FBXO11: variants seen among roughly 807,000 people sequenced by gnomAD.
The protein encoded by FBXO11 is F-box only protein 11.
In FBXO11, 13 loss-of-function variants were observed where a neutral mutation model predicts 117.0. The observed-to-expected ratio is 0.11, with a 90% confidence interval of 0.07 to 0.18. The LOEUF (loss-of-function observed/expected upper bound fraction) is 0.18. Among genes scored for constraint, FBXO11 ranks in the 10% least tolerant of loss-of-function variants. FBXO11 has a pLI of 1.00. For synonymous variants in FBXO11, 490 were observed against 380.5 expected, an observed-to-expected ratio of 1.29 and a Z score of -3.35; for missense variants, 767 against 1,164.4, an observed-to-expected ratio of 0.66 and a Z score of 4.97.
At chr2:47,836,902 T>G (rs1025852630) in intron 4 of FBXO11, 1 of 370,738 alleles carries the variant, frequency 2.7e-6, no homozygotes, top group Non-Finnish European at 5.2e-6. Flanking sequence ...TCTTGTCTTA[T>G]TTTTTGATTT....
rs892137124 is a variant in FBXO11 at position 47,876,675 on chromosome 2, T to C, written c.232+28814A>G. On this transcript the variant is annotated intron_variant, in intron 1 of 22. Coordinates refer to ENST00000403359, the MANE Select transcript of FBXO11 (RefSeq NM_001190274.2). ...CATTTTTCATTTTGAAAAGCTTTTA[T>C]GTTTTATGATCTGCAATTTCACTTT... Among the ~76,000 whole-genome samples, 3 of 152,296 alleles carry C rather than the reference T, an allele frequency of 2.0e-5. 1 individual carries two copies. Among genetic ancestry groups the C allele is most frequent in the South Asian group, 4.1e-4 (2 of 4,830 alleles).
At chr2:47,897,254 T>C (rs1677738831) in intron 1 of FBXO11, among the ~76,000 whole-genome samples, 1 of 152,182 alleles carries the variant, frequency 6.6e-6, no homozygotes, top group African/African-American at 2.4e-5. Context: ...AATGCTTGGA[T>C]ATAAAAAAGA....
intron 1 of FBXO11, among the ~76,000 whole-genome samples, chr2:47,849,087 C>T (rs1017676571): frequency 5.9e-5 from 9 of 152,034 alleles, no homozygotes; most frequent in African/African-American, 1.9e-4. Flanking sequence ...AGTCTCATGG[C>T]GTAAAGGAAC....
At chr2:47,858,116 A>AT (rs1033358068) in intron 1 of FBXO11, among the ~76,000 whole-genome samples, 1 of 151,836 alleles carries the variant, frequency 6.6e-6, no homozygotes, top group African/African-American at 2.4e-5. Context: ...TTTTATTTTT[A>AT]TTTTTTTGAG....
intron 16 of FBXO11, 177 bp from the exon 17 acceptor site, chr2:47,814,044 C>A: frequency 1.8e-6 from 1 of 541,908 alleles, no homozygotes; most frequent in East Asian, 3.1e-5. Flanking sequence ...CCTGTATTTC[C>A]CACAGAACAT....
At chr2:47,836,946 C>A in intron 4 of FBXO11, 1 of 390,626 alleles carries the variant, frequency 2.6e-6, no homozygotes, top group African/African-American at 2.2e-5. Flanking sequence ...GTATGTTGCC[C>A]AGGCTGGTCT....
At chr2:47,891,522 T>C (rs945714623) in intron 1 of FBXO11, among the ~76,000 whole-genome samples, 3 of 152,248 alleles carry the variant, frequency 2.0e-5, no homozygotes, top group African/African-American at 7.2e-5. Context: ...CATCTGTCAA[T>C]GGACATGTTG....
At chr2:47,816,007 G>A (rs918238920) in intron 16 of FBXO11, among the ~76,000 whole-genome samples, 19 of 152,188 alleles carry the variant, frequency 1.2e-4, no homozygotes, top group Non-Finnish European at 2.4e-4. Context: ...TAGGTAGGGG[G>A]AACCTTCAGC....
intron 1 of FBXO11, among the ~76,000 whole-genome samples, chr2:47,902,288 T>G (rs543272258): frequency 6.6e-6 from 1 of 152,302 alleles, no homozygotes; most frequent in South Asian, 2.1e-4. Context: ...ATTTAAGAAA[T>G]TAAAAAAGCT....
intron 1 of FBXO11, among the ~76,000 whole-genome samples, chr2:47,900,609 CACGTATATACACACGTATACACACACGT>C (rs1409396770): frequency 0.28 from 25,815 of 90,646 alleles, 6,697 homozygotes; most frequent in African/African-American, 0.43. Flanking sequence ...CACGTATACA[CACGTATATACACACGTATACACACACGT>C]ACGTATATAC....
chr2:47,857,169 T>C (rs1457754294), intron 1 of FBXO11, among the ~76,000 whole-genome samples: 1 of 152,222 alleles, frequency 6.6e-6, no homozygotes, highest in Non-Finnish European at 1.5e-5. Flanking sequence ...TACCTAACAG[T>C]GCATGTGGAT....
At chr2:47,814,159 A>G (rs762666330) in intron 16 of FBXO11, 1 of 291,694 alleles carries the variant, frequency 3.4e-6, no homozygotes, top group Non-Finnish European at 6.6e-6. Context: ...GGACTGAATT[A>G]CAGGCATGCC....
At chr2:47,810,031 ATC>A (rs1157311995) in intron 19 of FBXO11, 3 of 492,848 alleles carry the variant, frequency 6.1e-6, no homozygotes, top group Admixed American at 3.8e-5. Context: ...GAGGAATTGA[ATC>A]TATCTGTATT....
At chr2:47,878,500 G>A (rs1398779849) in intron 1 of FBXO11, among the ~76,000 whole-genome samples, 1 of 152,056 alleles carries the variant, frequency 6.6e-6, no homozygotes, top group East Asian at 2.0e-4. Flanking sequence ...GGGATTACAG[G>A]TGCCTGCCAC....
At chr2:47,905,337 C>CT (rs1558492680) in intron 1 of FBXO11, 152 bp downstream of exon 1, 2 of 796,086 alleles carry the variant, frequency 2.5e-6, no homozygotes, top group Admixed American at 1.0e-4. Flanking sequence ...CGGGCTGACA[C>CT]TGCGGCACCG....
intron 1 of FBXO11, among the ~76,000 whole-genome samples, chr2:47,901,265 A>G (rs1375056573): frequency 2.0e-5 from 3 of 150,976 alleles, no homozygotes; most frequent in Admixed American, 2.0e-4. Flanking sequence ...ATTCTACAAG[A>G]TTAGCTCAGA....
Position 47,832,684 on chromosome 2 carries a change from G to C in FBXO11, c.1154-6C>G, listed in dbSNP as rs544484170. On this transcript the variant is annotated splice_polypyrimidine_tract_variant and splice_region_variant and intron_variant, in intron 9 of 22. Transcript: ENST00000403359. ...AACACATACTGCAGAACCAACTGTA[G>C]AAAAATTATTTATTTATGTAAAAAC... 1 of 1,612,552 alleles carries C rather than the reference G, an allele frequency of 6.2e-7. No homozygotes were observed. The highest frequency in any genetic ancestry group is 1.7e-5 in the Admixed American group (1 of 59,866).
chr2:47,863,498 A>C (rs769992181), intron 1 of FBXO11, among the ~76,000 whole-genome samples: 21 of 152,204 alleles, frequency 1.4e-4, no homozygotes, highest in Non-Finnish European at 2.5e-4. Context: ...CTTTAAAGAA[A>C]GGGTCTACAG....
chr2:47,858,681 CAAA>C (rs902232765), intron 1 of FBXO11, among the ~76,000 whole-genome samples: 6 of 67,492 alleles, frequency 8.9e-5, no homozygotes, highest in Admixed American at 3.6e-4. Flanking sequence ...GACTCTGCCT[CAAA>C]AAAAAAAAAA....
Sources: gnomAD v4.1 joint callset for allele counts (sites outside exome capture counted in the v4.1 genomes callset) on GRCh38, gnomAD v4.1.1 for gene constraint, MANE v1.5 for transcripts, NCBI Gene and HGNC (gene_info 2026-07-23, HGNC 2026-07-21) for gene names.